The following TTL variants were observed in gnomAD, a reference collection of about 807,000 sequenced individuals.
TTL encodes tubulin--tyrosine ligase.
In TTL, 10 loss-of-function variants were observed where a neutral mutation model predicts 41.1. That is an observed-to-expected ratio of 0.24 (90% CI 0.15 to 0.41). The LOEUF (loss-of-function observed/expected upper bound fraction) is 0.41. TTL is among the 10% of genes least tolerant of loss of function. The pLI, the probability that TTL is intolerant of heterozygous loss-of-function variation, is 1.00. For missense variants in TTL, 367 were observed against 460.4 expected (o/e 0.80, Z 1.86); for synonymous variants, 175 against 175.5 (o/e 1.00, Z 0.02).
In TTL at chr2:112,540,454, AAG is replaced by A. The variant is rs1251707939; in HGVS notation, c.*11661_*11662del. On this transcript the variant is annotated 3_prime_UTR_variant, in exon 7 of 7. Transcript: ENST00000233336. ...AAAACAAAAAAAAAAAAAAAAGAGA[AAG>A]AAATTGACAAGCTAAGCTGACGCTA... 3 of 151,994 alleles carry A rather than the reference AAG, an allele frequency of 2.0e-5. No homozygotes were observed. The allele number at this position is 151,994 out of a possible 1,614,324, so 9.4% of individuals were successfully genotyped here.
At chr2:112,511,727 G>A (rs777915900) in intron 5 of TTL, among the ~76,000 whole-genome samples, 2 of 151,036 alleles carry the variant, frequency 1.3e-5, no homozygotes, top group Non-Finnish European at 3.0e-5. Context: ...ATCATGCCCG[G>A]CTAATTTTTG....
intron 5 of TTL, among the ~76,000 whole-genome samples, chr2:112,511,030 T>G (rs2104464819): frequency 6.6e-6 from 1 of 152,192 alleles, no homozygotes; most frequent in Admixed American, 6.5e-5. Context: ...TATTTTTATG[T>G]TTTTTGAGAC....
chr2:112,493,434 C>G (rs1156718266), intron 2 of TTL, among the ~76,000 whole-genome samples: 1 of 151,988 alleles, frequency 6.6e-6, no homozygotes, highest in African/African-American at 2.4e-5. Flanking sequence ...AGGAAGTTTA[C>G]TTCTCCATGA....
chr2:112,491,077 C>T (rs1285673467), intron 2 of TTL, among the ~76,000 whole-genome samples: 1 of 151,948 alleles, frequency 6.6e-6, no homozygotes, highest in Non-Finnish European at 1.5e-5. Context: ...CTGCAACCTC[C>T]GCCTCCCGGG....
intron 5 of TTL, 57 bp from the exon 6 acceptor site, chr2:112,520,225 T>A: frequency 6.3e-7 from 1 of 1,597,474 alleles, no homozygotes; most frequent in Non-Finnish European, 8.6e-7. Flanking sequence ...ACACCTCATG[T>A]CTTCCTTCTC....
At chr2:112,528,617 A>G (rs762249314) in intron 6 of TTL, 64 bp from the exon 7 acceptor site, 6 of 1,408,446 alleles carry the variant, frequency 4.3e-6, no homozygotes, top group South Asian at 3.5e-5. Context: ...AACAAAAAAC[A>G]TCTATTTTTT....
intron 1 of TTL, among the ~76,000 whole-genome samples, chr2:112,484,984 C>T (rs1681201900): frequency 6.6e-6 from 1 of 152,220 alleles, no homozygotes; most frequent in South Asian, 2.1e-4. Context: ...AAGTCTTGCT[C>T]TGTCGCCCAG....
chr2:112,519,631 A>G (rs982614384), intron 5 of TTL, among the ~76,000 whole-genome samples: 6 of 150,754 alleles, frequency 4.0e-5, no homozygotes, highest in Admixed American at 6.6e-5. Context: ...ATACATGGAA[A>G]TGTTTTACGT....
chr2:112,488,616 G>T (rs1491000777), intron 2 of TTL, among the ~76,000 whole-genome samples: 4 of 151,962 alleles, frequency 2.6e-5, no homozygotes, highest in Admixed American at 6.6e-5. Flanking sequence ...AAATTAGCTG[G>T]GTATGGTGGT....
chr2:112,485,291 G>A (rs921153594), intron 1 of TTL, among the ~76,000 whole-genome samples: 1 of 152,052 alleles, frequency 6.6e-6, no homozygotes, highest in Non-Finnish European at 1.5e-5. Context: ...TTTTCTTTGT[G>A]TCCTTTCTGC....
intron 6 of TTL, among the ~76,000 whole-genome samples, chr2:112,526,092 T>C (rs996506153): frequency 3.3e-5 from 5 of 152,250 alleles, no homozygotes; most frequent in Admixed American, 1.3e-4. Flanking sequence ...TTACGTTTAT[T>C]GATTTGCATA....
At chr2:112,487,992 A>T (rs568239769) in intron 2 of TTL, among the ~76,000 whole-genome samples, 1 of 152,338 alleles carries the variant, frequency 6.6e-6, no homozygotes, top group African/African-American at 2.4e-5. Context: ...CTGTTAAACC[A>T]GGACAGTTTT....
intron 6 of TTL, among the ~76,000 whole-genome samples, chr2:112,526,314 G>A (rs1485305645): frequency 6.6e-6 from 1 of 152,204 alleles, no homozygotes; most frequent in Admixed American, 6.5e-5. Context: ...AATGAGTTAG[G>A]GAGGAGTCCC....
At chr2:112,485,826 TGAGA>T in intron 1 of TTL, 87 bp from the exon 2 acceptor site, 3 of 1,176,672 alleles carry the variant, frequency 2.5e-6, no homozygotes, top group South Asian at 2.7e-5. Context: ...AATCCTGAGA[TGAGA>T]GAGAGAAAAG....
Position 112,519,931 on chromosome 2 carries a change from G to A in TTL, c.876-351G>A, listed in dbSNP as rs1039848614. Reference sequence around the variant, plus strand: ...GGATCACCTGAGGTCGGGAGTTCGAGACCAGCCTGACCAACATGGAGAAAC... The same window carrying A: ...GGATCACCTGAGGTCGGGAGTTCGAAACCAGCCTGACCAACATGGAGAAAC... On this transcript the variant is annotated intron_variant, in intron 5 of 6. Coordinates refer to ENST00000233336, the MANE Select transcript of TTL (RefSeq NM_153712.5). 3.9e-5 allele frequency among the ~76,000 whole-genome samples: 6 copies of A among 152,120 alleles called. 1 individual carries two copies.
In TTL at chr2:112,525,518, G is replaced by A. The variant is rs183123166; in HGVS notation, c.1020-3163G>A. ...AAGAGGTCCTTTACATCCCTTGTAA[G>A]TTGGATTATTGGTATTTTATTCTCT... On this transcript the variant is annotated intron_variant, in intron 6 of 6. Transcript: ENST00000233336. Among the ~76,000 whole-genome samples, 73 of 152,328 alleles carry A rather than the reference G, an allele frequency of 4.8e-4. 1 individual carries two copies. The East Asian group carries it at 0.013, about 26-fold the overall frequency.
At chr2:112,521,572 T>C (rs760243094) in intron 6 of TTL, among the ~76,000 whole-genome samples, 3 of 152,246 alleles carry the variant, frequency 2.0e-5, no homozygotes, top group Non-Finnish European at 4.4e-5. Context: ...ACTTAGAAGC[T>C]AGGCCTTTGC....
At chr2:112,502,341 T>G (rs1307558815) in intron 4 of TTL, among the ~76,000 whole-genome samples, 2 of 152,112 alleles carry the variant, frequency 1.3e-5, no homozygotes, top group Non-Finnish European at 2.9e-5. Flanking sequence ...AACCTTAAAA[T>G]CCAACCCATC....
At chr2:112,512,537 C>T (rs749385065) in intron 5 of TTL, among the ~76,000 whole-genome samples, 2 of 152,104 alleles carry the variant, frequency 1.3e-5, no homozygotes, top group African/African-American at 2.4e-5. Context: ...GCTGGGATTT[C>T]GGGCATGAGC....
Sources: gnomAD v4.1 joint callset for allele counts (sites outside exome capture counted in the v4.1 genomes callset) on GRCh38, gnomAD v4.1.1 for gene constraint, MANE v1.5 for transcripts, NCBI Gene and HGNC (gene_info 2026-07-23, HGNC 2026-07-21) for gene names.